Variants in CACNA2D3 observed in about 807,000 individuals in gnomAD.
The protein encoded by CACNA2D3 is calcium voltage-gated channel auxiliary subunit alpha2delta 3, also known as voltage-dependent calcium channel subunit alpha-2/delta-3.
In CACNA2D3, 60 loss-of-function variants were observed where a neutral mutation model predicts 160.6. The ratio of observed to expected loss-of-function variants is 0.37; its 90% CI spans 0.30 to 0.46. The LOEUF (loss-of-function observed/expected upper bound fraction) is 0.46, where lower values mean the gene tolerates loss of function less well. Among genes scored for constraint, CACNA2D3 ranks in the 20% least tolerant of loss-of-function variants. The probability of loss-of-function intolerance (pLI) is 1.00; values close to 1 mark genes in which losing one functional copy is unlikely to be tolerated. For synonymous variants in CACNA2D3, 558 were observed against 492.9 expected (o/e 1.13, Z -1.75); for missense variants, 1,205 against 1,365.0 (o/e 0.88, Z 1.85).
intron 27 of CACNA2D3, among the ~76,000 whole-genome samples, chr3:54,946,019 G>A (rs958917707): frequency 7.2e-5 from 11 of 152,146 alleles, no homozygotes; most frequent in South Asian, 4.1e-4. Context: ...GCAGGAAAAC[G>A]AGTACCCTGC....
At chr3:54,924,710 A>C in intron 27 of CACNA2D3, 1 of 1,614,106 alleles carries the variant, frequency 6.2e-7, no homozygotes, top group Non-Finnish European at 8.5e-7. Context: ...AAAGCCTCAC[A>C]CTGGGCATGG....
chr3:54,426,122 C>T (rs1699908834), intron 4 of CACNA2D3, among the ~76,000 whole-genome samples: 1 of 152,160 alleles, frequency 6.6e-6, no homozygotes, highest in South Asian at 2.1e-4. Flanking sequence ...CTCTGGCTTA[C>T]ATAGTGGTCA....
intron 11 of CACNA2D3, among the ~76,000 whole-genome samples, chr3:54,707,319 CAT>C (rs985343563): frequency 6.6e-6 from 1 of 152,202 alleles, no homozygotes; most frequent in African/African-American, 2.4e-5. Context: ...ATGTTTCCCA[CAT>C]GTTATATTTA....
At chr3:54,157,646 C>G (rs1446045584) in intron 2 of CACNA2D3, among the ~76,000 whole-genome samples, 1 of 152,062 alleles carries the variant, frequency 6.6e-6, no homozygotes, top group Non-Finnish European at 1.5e-5. Flanking sequence ...ACAAAATTAG[C>G]CGAGCATGGT....
At chr3:54,298,760 A>G (rs1384537720) in intron 2 of CACNA2D3, among the ~76,000 whole-genome samples, 2 of 151,938 alleles carry the variant, frequency 1.3e-5, no homozygotes, top group Non-Finnish European at 2.9e-5. Flanking sequence ...GTGAGCCGTG[A>G]TCATGCCACT....
At chr3:54,493,010 C>T (rs28665457) in intron 4 of CACNA2D3, among the ~76,000 whole-genome samples, 1,819 of 143,162 alleles carry the variant, frequency 0.013, 42 homozygotes, top group African/African-American at 0.045. Flanking sequence ...GCAGGTAGTA[C>T]ATATGAGTTA....
intron 3 of CACNA2D3, among the ~76,000 whole-genome samples, chr3:54,349,242 G>A (rs1698509932): frequency 6.6e-6 from 1 of 152,140 alleles, no homozygotes; most frequent in Admixed American, 6.5e-5. Context: ...TAGGAGGGTG[G>A]CATGAAGCAG....
At chr3:54,994,083 G>A (rs951461345) in intron 31 of CACNA2D3, among the ~76,000 whole-genome samples, 2 of 152,182 alleles carry the variant, frequency 1.3e-5, no homozygotes, top group East Asian at 3.9e-4. Context: ...CATTAACATG[G>A]CTGGCTTGTG....
At chr3:54,268,801 G>A (rs1025237950) in intron 2 of CACNA2D3, among the ~76,000 whole-genome samples, 1 of 152,200 alleles carries the variant, frequency 6.6e-6, no homozygotes, top group African/African-American at 2.4e-5. Context: ...GCCGGGACTT[G>A]AACTCAGCCC....
At chr3:54,441,546 C>A (rs34525971) in intron 4 of CACNA2D3, among the ~76,000 whole-genome samples, 1 of 152,036 alleles carries the variant, frequency 6.6e-6, no homozygotes, top group Non-Finnish European at 1.5e-5. Context: ...GTGTTTTAGA[C>A]ATGAAGTCCT....
chr3:54,908,653 G>GCTGCAGTGAGCCGAGA (rs1700496066), intron 27 of CACNA2D3, among the ~76,000 whole-genome samples: 2 of 152,182 alleles, frequency 1.3e-5, no homozygotes, highest in African/African-American at 4.8e-5. Context: ...GAAGGTCAAG[G>GCTGCAGTGAGCCGAGA]CTGCAGTGAG....
At chr3:54,318,080 C>T (rs1432707633) in intron 2 of CACNA2D3, among the ~76,000 whole-genome samples, 4 of 152,204 alleles carry the variant, frequency 2.6e-5, no homozygotes, top group Admixed American at 6.5e-5. Context: ...CTTCCATCTT[C>T]CTTGCATTGT....
rs1424176732 is a variant in CACNA2D3, at chr3:54,238,908, A to T, written c.205-81534A>T. On this transcript the variant is annotated intron_variant, in intron 2 of 37. Transcript: ENST00000474759. Reference sequence around the variant, plus strand: ...ACCAAAACCATAAACCATAGCACTAATAAACTCGTTTGAGGTCTTCAGATC... The same window carrying T: ...ACCAAAACCATAAACCATAGCACTATTAAACTCGTTTGAGGTCTTCAGATC... Among the ~76,000 whole-genome samples, 7 of 152,202 alleles carry T rather than the reference A, an allele frequency of 4.6e-5. No individual in the cohort carries two copies. The South Asian group carries it at 1.2e-3, about 27-fold the overall frequency.
At chr3:54,350,503 C>T (rs1253574216) in intron 3 of CACNA2D3, among the ~76,000 whole-genome samples, 1 of 152,110 alleles carries the variant, frequency 6.6e-6, no homozygotes, top group Non-Finnish European at 1.5e-5. Context: ...TTAGGATTAG[C>T]GTTCAGAGGC....
chr3:54,539,097 CTCCTTGACACA>C (rs1281245199), intron 5 of CACNA2D3, among the ~76,000 whole-genome samples: 1 of 152,180 alleles, frequency 6.6e-6, no homozygotes, highest in Non-Finnish European at 1.5e-5. Flanking sequence ...CTTAGGATAG[CTCCTTGACACA>C]TCCTGAATGC....
intron 2 of CACNA2D3, among the ~76,000 whole-genome samples, chr3:54,259,258 C>T (rs921142403): frequency 7.9e-5 from 12 of 152,166 alleles, no homozygotes; most frequent in Non-Finnish European, 1.3e-4. Flanking sequence ...AGGATGAGAG[C>T]CTGGCATGGT....
intron 5 of CACNA2D3, among the ~76,000 whole-genome samples, chr3:54,534,441 G>A (rs911903980): frequency 1.3e-5 from 2 of 151,946 alleles, no homozygotes; most frequent in Non-Finnish European, 2.9e-5. Context: ...CTGCTCACTC[G>A]GAGCTGTTCT....
chr3:55,002,002 C>CA (rs1702988250), intron 31 of CACNA2D3, among the ~76,000 whole-genome samples: 1 of 151,952 alleles, frequency 6.6e-6, no homozygotes, highest in Non-Finnish European at 1.5e-5. Flanking sequence ...ACTAAAAATA[C>CA]AAAATTAGTT....
intron 2 of CACNA2D3, among the ~76,000 whole-genome samples, chr3:54,300,537 G>A (rs763346374): frequency 3.9e-5 from 6 of 152,214 alleles, no homozygotes; most frequent in Non-Finnish European, 7.3e-5. Context: ...TTCTAATCCG[G>A]TCCATTGTTC....
Sources: gnomAD v4.1 joint callset for allele counts (sites outside exome capture counted in the v4.1 genomes callset) on GRCh38, gnomAD v4.1.1 for gene constraint, MANE v1.5 for transcripts, NCBI Gene and HGNC (gene_info 2026-07-23, HGNC 2026-07-21) for gene names.